The following RALGPS2 variants were observed in gnomAD, a reference collection of about 807,000 sequenced individuals.
The protein encoded by RALGPS2 is ras-specific guanine nucleotide-releasing factor RalGPS2.
Under a neutral mutation model 86.8 loss-of-function variants are expected in RALGPS2, and 43 were observed. The observed-to-expected ratio is 0.50, with a 90% confidence interval of 0.39 to 0.64. The LOEUF (loss-of-function observed/expected upper bound fraction) is 0.64. Ranked by LOEUF, RALGPS2 falls within the 30% of genes least tolerant of loss-of-function variation. The pLI, the probability that RALGPS2 is intolerant of heterozygous loss-of-function variation, is 0.00. For synonymous variants in RALGPS2, 243 were observed against 231.3 expected, an observed-to-expected ratio of 1.05 and a Z score of -0.46; for missense variants, 536 against 694.6, an observed-to-expected ratio of 0.77 and a Z score of 2.57.
At chr1:178,793,912 G>C (rs935629898) in intron 4 of RALGPS2, among the ~76,000 whole-genome samples, 1 of 152,054 alleles carries the variant, frequency 6.6e-6, no homozygotes, top group African/African-American at 2.4e-5. Flanking sequence ...TTCTTCCCTA[G>C]TATGAATTTT....
chr1:178,766,592 T>G (rs1652519631), intron 1 of RALGPS2, among the ~76,000 whole-genome samples: 1 of 152,164 alleles, frequency 6.6e-6, no homozygotes, highest in African/African-American at 2.4e-5. Flanking sequence ...TTCTGGCTTG[T>G]AGGTTTTTGG....
intron 4 of RALGPS2, among the ~76,000 whole-genome samples, chr1:178,794,033 T>C (rs1654077287): frequency 6.6e-6 from 1 of 152,218 alleles, no homozygotes; most frequent in Admixed American, 6.5e-5. Context: ...AGTTTTCCCA[T>C]ATTTCTTATA....
intron 15 of RALGPS2, among the ~76,000 whole-genome samples, chr1:178,893,106 G>A (rs1391798687): frequency 6.6e-6 from 1 of 152,060 alleles, no homozygotes; most frequent in Non-Finnish European, 1.5e-5. Context: ...TAGGAATTCT[G>A]CAGCTCATGT....
intron 1 of RALGPS2, among the ~76,000 whole-genome samples, chr1:178,774,593 TTGTTGCATAGC>T (rs1652986187): frequency 1.3e-5 from 2 of 152,228 alleles, no homozygotes; most frequent in African/African-American, 4.8e-5. Context: ...TCAGCTGGTT[TTGTTGCATAGC>T]AGTATAAATA....
At chr1:178,778,618 A>C (rs1422996556) in intron 2 of RALGPS2, among the ~76,000 whole-genome samples, 3 of 118,842 alleles carry the variant, frequency 2.5e-5, no homozygotes, top group African/African-American at 9.9e-5. Context: ...GGCATTATTC[A>C]CAATAGCAAA....
chr1:178,909,209 A>G (rs1426116743), intron 19 of RALGPS2, among the ~76,000 whole-genome samples: 3 of 152,050 alleles, frequency 2.0e-5, no homozygotes, highest in Non-Finnish European at 4.4e-5. Flanking sequence ...ATCAGATGGT[A>G]GTAGGTGTGA....
In RALGPS2 at chr1:178,785,929, T is replaced by C. The variant is rs141544322; in HGVS notation, c.213+322T>C. Among the ~76,000 whole-genome samples, 349 of 152,186 alleles carry C rather than the reference T, an allele frequency of 2.3e-3. 1 individual carries two copies. The highest frequency in any genetic ancestry group is 5.2e-3 in the South Asian group (25 of 4,832). Reference sequence around the variant, plus strand: ...ATAGCCTGATGTTGACCAAAAGCCTTACTGGTAACATAAACAATCAACTAA... The same window carrying C: ...ATAGCCTGATGTTGACCAAAAGCCTCACTGGTAACATAAACAATCAACTAA... On this transcript the variant is annotated intron_variant, in intron 4 of 19. Transcript: ENST00000367635.
intron 8 of RALGPS2, chr1:178,869,216 A>T (rs571869523): frequency 2.0e-5 from 3 of 152,198 alleles, no homozygotes; most frequent in Non-Finnish European, 4.4e-5. Flanking sequence ...TAGTTGCTAT[A>T]TTGCCAGCTA....
Position 178,921,598 on chromosome 1 carries a change from C to G in RALGPS2, c.*5239C>G, listed in dbSNP as rs1339502110. ...CAGGTACCCAGTGATGATAATATAT[C>G]TGAAAACACAAGCCATTTTTATTCT... is the stretch of plus-strand genomic sequence containing the variant. On this transcript the variant is annotated 3_prime_UTR_variant, in exon 20 of 20. Coordinates refer to ENST00000367635, the MANE Select transcript of RALGPS2 (RefSeq NM_152663.5). The G allele has an allele frequency of 6.6e-6, 1 of 151,970 alleles. No individual in the cohort carries two copies. Among genetic ancestry groups the G allele is most frequent in the Non-Finnish European group, 1.5e-5 (1 of 67,896 alleles). The allele number at this position is 151,970 out of a possible 1,614,324, so 9.4% of individuals were successfully genotyped here. A position where few individuals can be genotyped will look rare whatever the true frequency, so the allele number is the denominator to read the frequency against.
intron 1 of RALGPS2, among the ~76,000 whole-genome samples, chr1:178,757,054 G>C (rs1416547611): frequency 6.6e-6 from 1 of 152,024 alleles, no homozygotes; most frequent in African/African-American, 2.4e-5. Flanking sequence ...GTATTTTGTT[G>C]TTGTTGATTC....
At chr1:178,836,755 G>A (rs1449299665) in intron 8 of RALGPS2, among the ~76,000 whole-genome samples, 1 of 151,952 alleles carries the variant, frequency 6.6e-6, no homozygotes, top group African/African-American at 2.4e-5. Context: ...AGAGGTCTCA[G>A]TCCACTTCTT....
chr1:178,875,650 A>G (rs974396661), intron 8 of RALGPS2, among the ~76,000 whole-genome samples: 1 of 152,100 alleles, frequency 6.6e-6, no homozygotes, highest in Admixed American at 6.6e-5. Flanking sequence ...CGGGTGGCTG[A>G]GGCACAAGAA....
intron 8 of RALGPS2, among the ~76,000 whole-genome samples, chr1:178,845,524 G>C (rs1418268909): frequency 1.3e-5 from 2 of 152,230 alleles, no homozygotes; most frequent in South Asian, 4.1e-4. Context: ...ACAGCATCTA[G>C]AACAAAAGTA....
At chr1:178,781,631 C>A (rs530814876) in intron 2 of RALGPS2, among the ~76,000 whole-genome samples, 119 of 152,206 alleles carry the variant, frequency 7.8e-4, no homozygotes, top group African/African-American at 2.9e-3. Context: ...AGTGTTTATT[C>A]TTTTTGATAA....
intron 6 of RALGPS2, among the ~76,000 whole-genome samples, chr1:178,817,136 G>C (rs906642507): frequency 1.5e-4 from 23 of 151,636 alleles, no homozygotes; most frequent in Non-Finnish European, 3.1e-4. Flanking sequence ...GAGGCGGGCA[G>C]ATCACTTGAG....
intron 8 of RALGPS2, chr1:178,865,229 G>A (rs1250635512): frequency 6.2e-7 from 1 of 1,614,144 alleles, no homozygotes; most frequent in South Asian, 1.1e-5. Flanking sequence ...GACAAGATCA[G>A]TCAAGGAAGC....
In RALGPS2 at chr1:178,907,361, G is replaced by A. The variant is rs554348007; in HGVS notation, c.1722+494G>A. On this transcript the variant is annotated intron_variant, in intron 19 of 19. Coordinates refer to ENST00000367635, the MANE Select transcript of RALGPS2 (RefSeq NM_152663.5). ...ATAGTTCTCTAAAGGGTAAAAATTA[G>A]ATGGCATATTAAATTAATAAAAATT... Among the ~76,000 whole-genome samples, 22 of 152,306 alleles carry A rather than the reference G, an allele frequency of 1.4e-4. No homozygotes were observed. The South Asian group carries it at 1.7e-3, about 11-fold the overall frequency.
chr1:178,878,445 T>G lies in RALGPS2; in HGVS notation c.746-457T>G, dbSNP rs867390851. On this transcript the variant is annotated intron_variant, in intron 9 of 19. Coordinates refer to ENST00000367635, the MANE Select transcript of RALGPS2 (RefSeq NM_152663.5). Reference sequence around the variant, plus strand: ...AGATAGAATCTTACTGAAAGTTAAATCAAATAATTCCTTATTTTGTCCTTT... The same window carrying G: ...AGATAGAATCTTACTGAAAGTTAAAGCAAATAATTCCTTATTTTGTCCTTT... 3.9e-4 allele frequency among the ~76,000 whole-genome samples: 59 copies of G among 152,262 alleles called. 1 individual carries two copies. In the Middle Eastern group the frequency reaches 0.01, roughly 26 times the overall value.
intron 1 of RALGPS2, among the ~76,000 whole-genome samples, chr1:178,736,843 G>T (rs1650739094): frequency 2.0e-5 from 3 of 152,020 alleles, no homozygotes. Flanking sequence ...GGCTGCAGTG[G>T]CCATGATCGA....
Sources: allele counts gnomAD v4.1 joint callset (sites outside exome capture counted in the v4.1 genomes callset), GRCh38; gene constraint gnomAD v4.1.1; transcripts MANE v1.5; gene names NCBI Gene and HGNC (gene_info 2026-07-23, HGNC 2026-07-21).